Variants in TRPM3 observed in about 807,000 individuals in gnomAD.
TRPM3 encodes transient receptor potential cation channel subfamily M member 3.
Under a neutral mutation model 181.2 loss-of-function variants are expected in TRPM3, and 77 were observed. That is an observed-to-expected ratio of 0.42 (90% CI 0.35 to 0.51). The LOEUF is 0.51. Among genes scored for constraint, TRPM3 ranks in the 20% least tolerant of loss-of-function variants. The pLI, the probability that TRPM3 is intolerant of heterozygous loss-of-function variation, is 0.01. For synonymous variants in TRPM3, 745 were observed against 796.4 expected (o/e 0.94, Z 1.09); for missense variants, 1,759 against 2,196.7 (o/e 0.80, Z 3.98).
At chr9:71,275,220 G>A (rs939642739) in intron 1 of TRPM3, among the ~76,000 whole-genome samples, 85 of 152,146 alleles carry the variant, frequency 5.6e-4, no homozygotes, top group African/African-American at 1.9e-3. Flanking sequence ...TGAAATAAGT[G>A]CAGATAAATC....
intron 1 of TRPM3, among the ~76,000 whole-genome samples, chr9:71,187,576 A>G (rs2077750366): frequency 6.6e-6 from 1 of 151,982 alleles, no homozygotes; most frequent in Admixed American, 6.6e-5. Flanking sequence ...TGGAAAACAA[A>G]AAACCATTTT....
At chr9:71,075,026 G>C (rs1431467111) in intron 1 of TRPM3, among the ~76,000 whole-genome samples, 1 of 152,082 alleles carries the variant, frequency 6.6e-6, no homozygotes, top group Non-Finnish European at 1.5e-5. Context: ...CTGACTTCTA[G>C]AATTCAACAA....
chr9:71,087,580 G>A (rs2065484811), intron 1 of TRPM3, among the ~76,000 whole-genome samples: 1 of 152,050 alleles, frequency 6.6e-6, no homozygotes, highest in South Asian at 2.1e-4. Flanking sequence ...CAGTGAAACT[G>A]CATTTGGTGG....
intron 1 of TRPM3, among the ~76,000 whole-genome samples, chr9:71,392,485 A>AT (rs1022137883): frequency 2.6e-5 from 4 of 152,108 alleles, no homozygotes; most frequent in African/African-American, 7.2e-5. Context: ...TTGTTGGGGT[A>AT]TTTTTTGCCT....
At chr9:70,956,449 G>A (rs2097073543) in intron 1 of TRPM3, among the ~76,000 whole-genome samples, 1 of 152,004 alleles carries the variant, frequency 6.6e-6, no homozygotes, top group African/African-American at 2.4e-5. Context: ...GTTGTAGCAA[G>A]CTCTTAAAGC....
At position 71,190,226 on chromosome 9, in the gene TRPM3, T is replaced by A. The variant is rs2077931211; in HGVS notation, c.183+256427A>T. On this transcript the variant is annotated intron_variant, in intron 1 of 24. Transcript: ENST00000357533. ...GGGCAAGGCAGCAATGATACTGTTA[T>A]CCCCATTTGAGTTGAGATCCGCAAG... Among the ~76,000 whole-genome samples the A allele has an allele frequency of 2.0e-5, 3 of 151,846 alleles. No homozygotes were observed. In the South Asian group the frequency reaches 6.2e-4, roughly 31 times the overall value.
chr9:71,090,815 CA>C (rs2066074765), intron 1 of TRPM3, among the ~76,000 whole-genome samples: 1 of 152,088 alleles, frequency 6.6e-6, no homozygotes, highest in Non-Finnish European at 1.5e-5. Context: ...GGATTACTTT[CA>C]AGATTAAATG....
intron 1 of TRPM3, among the ~76,000 whole-genome samples, chr9:71,118,850 A>T (rs1049516202): frequency 2.0e-5 from 3 of 152,168 alleles, no homozygotes; most frequent in Admixed American, 2.0e-4. Context: ...AGGAAAGGAC[A>T]TAAGAAATAC....
At chr9:71,012,461 T>C (rs2097754165) in intron 1 of TRPM3, among the ~76,000 whole-genome samples, 1 of 151,990 alleles carries the variant, frequency 6.6e-6, no homozygotes, top group South Asian at 2.1e-4. Flanking sequence ...CTATCTCTTT[T>C]AGTATTTTCC....
intron 1 of TRPM3, among the ~76,000 whole-genome samples, chr9:71,348,574 A>T (rs922591614): frequency 2.2e-4 from 32 of 147,352 alleles, no homozygotes; most frequent in African/African-American, 6.3e-4. Context: ...TTATTTATTT[A>T]TTTTTTATTT....
At chr9:71,437,592 C>T (rs1243628836) in intron 1 of TRPM3, among the ~76,000 whole-genome samples, 1 of 152,030 alleles carries the variant, frequency 6.6e-6, no homozygotes, top group Non-Finnish European at 1.5e-5. Flanking sequence ...AAACACCAGC[C>T]GGGCGTGGGG....
At chr9:71,359,828 A>T (rs993649747) in intron 1 of TRPM3, among the ~76,000 whole-genome samples, 2 of 152,178 alleles carry the variant, frequency 1.3e-5, no homozygotes, top group Admixed American at 6.6e-5. Context: ...TTTCCTAACA[A>T]TAAAATGCGA....
intron 1 of TRPM3, among the ~76,000 whole-genome samples, chr9:71,196,048 T>A (rs910258739): frequency 6.6e-6 from 1 of 151,848 alleles, no homozygotes; most frequent in African/African-American, 2.4e-5. Flanking sequence ...GACGAAATAA[T>A]CTTTACATCA....
intron 9 of TRPM3, among the ~76,000 whole-genome samples, chr9:70,644,272 C>G (rs147913244): frequency 0.01 from 1,573 of 152,240 alleles, 28 homozygotes; most frequent in Non-Finnish European, 0.013. Flanking sequence ...CAGTGCCACT[C>G]CTAGGGTATG....
chr9:70,924,831 C>T (rs1478141005), intron 1 of TRPM3, among the ~76,000 whole-genome samples: 1 of 152,154 alleles, frequency 6.6e-6, no homozygotes, highest in Non-Finnish European at 1.5e-5. Flanking sequence ...AGGTGCTATA[C>T]TCACCTTACC....
At chr9:70,903,126 G>T (rs1274563062) in intron 1 of TRPM3, among the ~76,000 whole-genome samples, 1 of 152,168 alleles carries the variant, frequency 6.6e-6, no homozygotes. Flanking sequence ...AAAGAAAGAT[G>T]ACTCCGTGTT....
At position 70,983,847 on chromosome 9, in the gene TRPM3, T is replaced by C. The variant is rs961652010; in HGVS notation, c.178-119336A>G. Reference sequence around the variant, plus strand: ...TGTTTAGAGCCTATTGTTACAAAGATATTGTTTGGCTTCCTGGACTGGTTG... The same window carrying C: ...TGTTTAGAGCCTATTGTTACAAAGACATTGTTTGGCTTCCTGGACTGGTTG... On this transcript the variant is annotated intron_variant, in intron 1 of 25. Transcript: ENST00000677713. Among the ~76,000 whole-genome samples, 5 of 152,324 alleles carry C rather than the reference T, an allele frequency of 3.3e-5. No individual in the cohort carries two copies. In the South Asian group the frequency reaches 6.2e-4, roughly 19 times the overall value.
intron 1 of TRPM3, among the ~76,000 whole-genome samples, chr9:71,070,548 A>C (rs921132978): frequency 3.3e-5 from 5 of 152,262 alleles, no homozygotes; most frequent in African/African-American, 1.2e-4. Context: ...ACACAAAATC[A>C]TAACAAGATA....
chr9:71,369,853 T>C (rs1203038053), intron 1 of TRPM3, among the ~76,000 whole-genome samples: 1 of 152,234 alleles, frequency 6.6e-6, no homozygotes, highest in Non-Finnish European at 1.5e-5. Context: ...TTCAAGATTT[T>C]GGCAAACCTG....
Sources: allele counts gnomAD v4.1 joint callset (sites outside exome capture counted in the v4.1 genomes callset), GRCh38; gene constraint gnomAD v4.1.1; transcripts MANE v1.5; gene names NCBI Gene and HGNC (gene_info 2026-07-23, HGNC 2026-07-21).